FBXW7: variants seen among roughly 807,000 people sequenced by gnomAD.
FBXW7 encodes F-box and WD repeat domain containing 7.
In FBXW7, 11 loss-of-function variants were observed where a neutral mutation model predicts 86.3. The observed-to-expected ratio is 0.13, with a 90% CI of 0.08 to 0.21. The LOEUF (loss-of-function observed/expected upper bound fraction) is 0.21, where lower values mean the gene tolerates loss of function less well. Among genes scored for constraint, FBXW7 ranks in the 10% least tolerant of loss-of-function variants. FBXW7 has a pLI of 1.00. For synonymous variants in FBXW7, 313 were observed against 297.9 expected, an observed-to-expected ratio of 1.05 and a Z score of -0.52; for missense variants, 488 against 847.4, an observed-to-expected ratio of 0.58 and a Z score of 5.27.
chr4:152,346,169 G>C (rs984943042), intron 6 of FBXW7, among the ~76,000 whole-genome samples: 2 of 152,030 alleles, frequency 1.3e-5, no homozygotes, highest in African/African-American at 4.8e-5. Context: ...TTCAGGGTTT[G>C]GTTGTAACCA....
intron 4 of FBXW7, among the ~76,000 whole-genome samples, chr4:152,403,536 A>G (rs925178178): frequency 6.6e-6 from 1 of 151,852 alleles, no homozygotes; most frequent in South Asian, 2.1e-4. Flanking sequence ...TTTTGGCACC[A>G]GAGACAGGTT....
intron 4 of FBXW7, among the ~76,000 whole-genome samples, chr4:152,362,828 C>CAAAAAAAAAAAA (rs35796895): frequency 6.3e-5 from 5 of 79,130 alleles, no homozygotes; most frequent in East Asian, 3.6e-4. Flanking sequence ...CTCTCTCTCT[C>CAAAAAAAAAAAA]AAAAAAAAAA....
chr4:152,392,613 A>G (rs1472616419), intron 4 of FBXW7, among the ~76,000 whole-genome samples: 2 of 152,190 alleles, frequency 1.3e-5, no homozygotes, highest in Non-Finnish European at 2.9e-5. Context: ...ACAATGAGAA[A>G]TAATAAAATT....
intron 2 of FBXW7, among the ~76,000 whole-genome samples, chr4:152,430,879 G>T (rs192442913): frequency 9.9e-5 from 15 of 152,108 alleles, no homozygotes; most frequent in South Asian, 2.1e-4. Flanking sequence ...TTTATTTTTG[G>T]ATTCAGGGTA....
intron 4 of FBXW7, among the ~76,000 whole-genome samples, chr4:152,370,262 T>A (rs1733893177): frequency 6.6e-6 from 1 of 151,982 alleles, no homozygotes; most frequent in Non-Finnish European, 1.5e-5. Context: ...TGTTCAAGAC[T>A]AGCAAAGGAG....
intron 6 of FBXW7, among the ~76,000 whole-genome samples, chr4:152,344,110 T>A (rs1731016224): frequency 6.6e-6 from 1 of 152,114 alleles, no homozygotes; most frequent in South Asian, 2.1e-4. Flanking sequence ...AACATGCCAG[T>A]TTAATTATCC....
intron 6 of FBXW7, among the ~76,000 whole-genome samples, chr4:152,338,584 T>C (rs1357607168): frequency 1.3e-5 from 2 of 151,850 alleles, no homozygotes; most frequent in Non-Finnish European, 2.9e-5. Context: ...AAGAAAGAGA[T>C]ACACTATAAA....
chr4:152,424,593 G>A (rs1739217151), intron 2 of FBXW7, among the ~76,000 whole-genome samples: 1 of 152,136 alleles, frequency 6.6e-6, no homozygotes. Context: ...GTGAGTTACC[G>A]CATGTGTTAA....
chr4:152,397,928 A>T lies in FBXW7; in HGVS notation c.501+13375T>A, dbSNP rs551886522. ...TGAGAGGCCTATTCTTTTTACACGT[A>T]TATGTTCAGATACTTGAGAAATTTT... On this transcript the variant is annotated intron_variant, in intron 4 of 13. Coordinates refer to ENST00000281708, the MANE Select transcript of FBXW7 (RefSeq NM_001349798.2). Among the ~76,000 whole-genome samples the T allele has an allele frequency of 1.3e-5, 2 of 152,042 alleles. 1 individual carries two copies. Among genetic ancestry groups the T allele is most frequent in the African/African-American group, 4.8e-5 (2 of 41,542 alleles).
chr4:152,406,442 C>A (rs921827754), intron 4 of FBXW7, among the ~76,000 whole-genome samples: 10 of 152,060 alleles, frequency 6.6e-5, no homozygotes, highest in African/African-American at 2.4e-4. Flanking sequence ...TAGTAACTGT[C>A]ATTACCTGCA....
chr4:152,488,586 T>C (rs1745559848), intron 2 of FBXW7, among the ~76,000 whole-genome samples: 1 of 152,108 alleles, frequency 6.6e-6, no homozygotes, highest in Non-Finnish European at 1.5e-5. Flanking sequence ...TTCTCTTACA[T>C]GCCATTTACT....
intron 2 of FBXW7, among the ~76,000 whole-genome samples, chr4:152,427,588 A>C (rs1739501804): frequency 6.6e-6 from 1 of 152,172 alleles, no homozygotes; most frequent in Non-Finnish European, 1.5e-5. Flanking sequence ...AGATAAAATT[A>C]CCTCTAAACC....
chr4:152,467,011 C>T (rs1047651240), intron 2 of FBXW7, among the ~76,000 whole-genome samples: 1 of 152,152 alleles, frequency 6.6e-6, no homozygotes, highest in Non-Finnish European at 1.5e-5. Flanking sequence ...TCCTTCTTCA[C>T]AAGAAAGATA....
intron 2 of FBXW7, among the ~76,000 whole-genome samples, chr4:152,445,478 A>C (rs896994083): frequency 1.3e-5 from 2 of 152,236 alleles, no homozygotes; most frequent in Non-Finnish European, 2.9e-5. Context: ...GCTGATGCCT[A>C]AAGTTTTGAC....
chr4:152,328,391 T>C lies in FBXW7; in HGVS notation c.1237-2A>G. 6.7e-7 allele frequency: 1 copy of C among 1,496,664 alleles called. No homozygotes were observed. Among genetic ancestry groups the C allele is most frequent in the Non-Finnish European group, 8.9e-7 (1 of 1,124,356 alleles). The allele number at this position is 1,496,664 out of a possible 1,614,324, so 92.7% of individuals were successfully genotyped here. On this transcript the variant is annotated splice_acceptor_variant, in intron 10 of 13. Coordinates refer to ENST00000281708, the MANE Select transcript of FBXW7 (RefSeq NM_001349798.2). LOFTEE classifies it high-confidence loss of function. ...ATGTCCCACTAATGTTCTCAGACAC[T>C]GGAAAAACACTTAAGATGATTACTT... is the stretch of plus-strand genomic sequence containing the variant.
chr4:152,396,422 A>T (rs1395511504), intron 4 of FBXW7, among the ~76,000 whole-genome samples: 1 of 152,030 alleles, frequency 6.6e-6, no homozygotes, highest in African/African-American at 2.4e-5. Flanking sequence ...ATTGTGGCAT[A>T]TCTTAGAAAA....
chr4:152,360,278 GACAA>G lies in FBXW7; in HGVS notation c.502-10158_502-10155del, dbSNP rs1490444668. On this transcript the variant is annotated intron_variant, in intron 4 of 13. Coordinates refer to ENST00000281708, the MANE Select transcript of FBXW7 (RefSeq NM_001349798.2). ...ACTTTTTATTTTAGTTACAAACACT[GACAA>G]ACAAGGGGACTTTCTGTTTGAACAG... 2.0e-5 allele frequency among the ~76,000 whole-genome samples: 3 copies of G among 152,204 alleles called. No homozygotes were observed. In the East Asian group the frequency reaches 5.8e-4, roughly 29 times the overall value.
intron 2 of FBXW7, among the ~76,000 whole-genome samples, chr4:152,473,725 T>G (rs1210871279): frequency 6.6e-6 from 1 of 152,138 alleles, no homozygotes; most frequent in Non-Finnish European, 1.5e-5. Context: ...TAAGTCAGTC[T>G]AACTCCACAA....
At chr4:152,428,944 C>T (rs543815706) in intron 2 of FBXW7, among the ~76,000 whole-genome samples, 1 of 152,154 alleles carries the variant, frequency 6.6e-6, no homozygotes, top group Non-Finnish European at 1.5e-5. Context: ...AATCCCAGCA[C>T]TTTGGGAGGC....
Sources: gnomAD v4.1 joint callset for allele counts (sites outside exome capture counted in the v4.1 genomes callset) on GRCh38, gnomAD v4.1.1 for gene constraint, MANE v1.5 for transcripts, NCBI Gene and HGNC (gene_info 2026-07-23, HGNC 2026-07-21) for gene names.